Variants in FKBP9 observed in about 807,000 individuals in gnomAD.
FKBP9 encodes peptidyl-prolyl cis-trans isomerase FKBP9.
In FKBP9, 27 loss-of-function variants were observed where a neutral mutation model predicts 55.6. The observed-to-expected ratio is 0.49, with a 90% confidence interval of 0.36 to 0.67. The LOEUF is 0.67. Among genes scored for constraint, FKBP9 ranks in the 30% least tolerant of loss-of-function variants. The pLI is 0.00. For synonymous variants in FKBP9, 267 were observed against 296.5 expected (o/e 0.90, Z 1.02); for missense variants, 539 against 742.8 (o/e 0.73, Z 3.19).
At chr7:32,977,793 A>ATATACT (rs1784387778) in intron 4 of FKBP9, among the ~76,000 whole-genome samples, 2 of 145,834 alleles carry the variant, frequency 1.4e-5, no homozygotes, top group African/African-American at 5.0e-5. Flanking sequence ...CTCCATATAT[A>ATATACT]TATATATACT....
intron 9 of FKBP9, among the ~76,000 whole-genome samples, chr7:33,004,639 A>AT (rs1198706772): frequency 2.6e-5 from 4 of 151,862 alleles, no homozygotes; most frequent in South Asian, 2.1e-4. Flanking sequence ...CCGCTTTTTG[A>AT]TTTTTTTCTG....
Position 32,975,044 on chromosome 7 carries a change from TG to T in FKBP9, c.368-135del. On this transcript the variant is annotated intron_variant, in intron 2 of 9. Coordinates refer to ENST00000242209, the MANE Select transcript of FKBP9 (RefSeq NM_007270.5). ...ATTTGGAGGAAAGAGGGAGGAAGAA[TG>T]GGTCATTTTGGGATTGTATAGCGGT... The T allele has an allele frequency of 7.1e-6, 5 of 702,300 alleles. No homozygotes were observed. The South Asian group carries it at 9.4e-5, about 13-fold the overall frequency. 43.5% of individuals were successfully genotyped at this position (702,300 alleles called of 1,614,324 possible).
chr7:32,962,343 G>A (rs1287894408), intron 1 of FKBP9, among the ~76,000 whole-genome samples: 2 of 152,154 alleles, frequency 1.3e-5, no homozygotes, highest in South Asian at 2.1e-4. Context: ...GCGGTGAGTC[G>A]AGATTGCACC....
intron 1 of FKBP9, among the ~76,000 whole-genome samples, chr7:32,965,828 T>TATATATGTGTACACAC (rs1554284326): frequency 2.6e-4 from 9 of 35,068 alleles, no homozygotes; most frequent in African/African-American, 6.3e-4. Flanking sequence ...TATATATATA[T>TATATATGTGTACACAC]ATATATATAT....
chr7:32,958,052 T>A (rs1283482771), intron 1 of FKBP9, among the ~76,000 whole-genome samples: 1 of 152,226 alleles, frequency 6.6e-6, no homozygotes, highest in Admixed American at 6.5e-5. Flanking sequence ...GACCACGTCC[T>A]CCCTTTCCTC....
chr7:32,973,687 T>G (rs1457090113), intron 1 of FKBP9, among the ~76,000 whole-genome samples: 13 of 72,302 alleles, frequency 1.8e-4, no homozygotes, highest in Admixed American at 4.0e-4. Context: ...TTGTTGTTTT[T>G]TTTTTTTTTT....
At chr7:32,967,410 A>G (rs1349263905) in intron 1 of FKBP9, among the ~76,000 whole-genome samples, 1 of 152,234 alleles carries the variant, frequency 6.6e-6, no homozygotes, top group Non-Finnish European at 1.5e-5. Flanking sequence ...CGCTGATAAC[A>G]ACATTCCACT....
intron 5 of FKBP9, among the ~76,000 whole-genome samples, chr7:32,986,857 C>T (rs571636679): frequency 7.8e-4 from 119 of 152,184 alleles, no homozygotes; most frequent in Non-Finnish European, 9.7e-4. Flanking sequence ...TCTGCCTCAT[C>T]GGCACCAGGT....
intron 8 of FKBP9, among the ~76,000 whole-genome samples, chr7:33,001,327 G>A (rs921746502): frequency 3.2e-4 from 48 of 152,194 alleles, no homozygotes; most frequent in African/African-American, 1.0e-3. Context: ...GGCAGATCAC[G>A]AGGTCAGGAG....
intron 7 of FKBP9, among the ~76,000 whole-genome samples, chr7:32,996,920 T>G (rs1284950434): frequency 3.4e-5 from 5 of 147,038 alleles, no homozygotes; most frequent in Non-Finnish European, 6.0e-5. Context: ...TCAGCCTCCC[T>G]AGTAGCTGGG....
rs1358059316 is a variant in FKBP9 at position 32,965,253 on chromosome 7, C to A, written c.221+7459C>A. Among the ~76,000 whole-genome samples the A allele has an allele frequency of 2.6e-5, 4 of 152,136 alleles. No individual in the cohort carries two copies. The East Asian group carries it at 7.8e-4, about 30-fold the overall frequency. On this transcript the variant is annotated intron_variant, in intron 1 of 9. Coordinates refer to ENST00000242209, the MANE Select transcript of FKBP9 (RefSeq NM_007270.5). ...TCAAGCAATTCTCATGCCTCAGCCA[C>A]CCGAGTAGCTAGGATCACAGGTGTA...
At chr7:32,983,910 G>C (rs1212583974) in intron 5 of FKBP9, among the ~76,000 whole-genome samples, 1 of 142,458 alleles carries the variant, frequency 7.0e-6, no homozygotes, top group Admixed American at 6.9e-5. Context: ...ATTGGCATTT[G>C]TCTGTTTCTT....
intron 1 of FKBP9, among the ~76,000 whole-genome samples, chr7:32,965,332 T>C (rs1286178606): frequency 1.3e-5 from 2 of 152,002 alleles, no homozygotes; most frequent in Non-Finnish European, 2.9e-5. Flanking sequence ...GGTTTTGCCA[T>C]GTTGCCCAGG....
Position 32,957,514 on chromosome 7 carries a change from AG to A in FKBP9, c.-58del. The A allele has an allele frequency of 7.9e-7, 1 of 1,272,484 alleles. No individual in the cohort carries two copies. The allele number at this position is 1,272,484 out of a possible 1,614,324, so 78.8% of individuals were successfully genotyped here. On this transcript the variant is annotated 5_prime_UTR_variant, in exon 1 of 10. Transcript: ENST00000242209. ...CGTTTGCAAACGCAGCCGAACGCCC[AG>A]GCCGACCCGTGCCGCCCGAGCGCCG... is the stretch of plus-strand genomic sequence containing the variant.
In FKBP9 at chr7:32,975,347, T is replaced by C. The variant is rs1268322219; in HGVS notation, c.533T>C (p.Leu178Pro). ...AGGTACCACTACAACGGGACGTTCC[T>C]GGACGGAACTCTGTTTGATTCGAGG... ...FVRYHYNGTF[L>P]DGTLFDSSHN... The change falls in exon 3 of 10, where the codon CTG becomes CCG. Residue 178 changes from leucine to proline, a missense_variant. Around this residue, in one of 4 missense-constraint regions of FKBP9, gnomAD observed 236 missense variants for 271.5 expected, o/e 0.87. Transcript: ENST00000242209. 2 of 1,613,894 alleles carry C rather than the reference T, an allele frequency of 1.2e-6. No homozygotes were observed. Among genetic ancestry groups the C allele is most frequent in the African/African-American group, 1.3e-5 (1 of 74,940 alleles).
In FKBP9 at chr7:32,980,439, T is replaced by A. The variant is rs1377189699; in HGVS notation, c.779T>A (p.Ile260Asn). 4 of 1,613,858 alleles carry A rather than the reference T, an allele frequency of 2.5e-6. No homozygotes were observed. Among genetic ancestry groups the A allele is most frequent in the Non-Finnish European group, 3.4e-6 (4 of 1,179,856 alleles). Residue 260 changes from isoleucine to asparagine, a missense_variant, in exon 5 of 10, where the codon ATT becomes AAT. Physicochemically the swap from Ile to Asn is moderately radical, Grantham distance 149. Transcript: ENST00000242209. ...GACCTCCATAACCCCAAGGACAGCA[T>A]TTCCATTGAGAACAAGGTAGTACCT... is the stretch of plus-strand genomic sequence containing the variant. ...LLDLHNPKDS[I>N]SIENKVVPEN...
intron 1 of FKBP9, among the ~76,000 whole-genome samples, chr7:32,961,416 A>C (rs1784021962): frequency 6.6e-6 from 1 of 152,232 alleles, no homozygotes; most frequent in African/African-American, 2.4e-5. Context: ...GCTCTGGGAT[A>C]GGGCCTAGGA....
At chr7:32,979,764 C>A (rs1387401121) in intron 4 of FKBP9, among the ~76,000 whole-genome samples, 3 of 152,168 alleles carry the variant, frequency 2.0e-5, no homozygotes, top group Non-Finnish European at 4.4e-5. Flanking sequence ...CCAAGAGAAG[C>A]AGTACTACCC....
At position 32,975,309 on chromosome 7, in the gene FKBP9, G is replaced by A. The variant is rs754120870; in HGVS notation, c.495G>A (p.Val165=). ...KPPSCPRTIQ[V]SDFVRYHYNG... ...CGAGTTGCCCTCGGACCATCCAGGT[G>A]TCTGATTTTGTGAGGTACCACTACA... Residue 165 remains valine, a synonymous_variant, in exon 3 of 10, where the codon GTG becomes GTA. Coordinates refer to ENST00000242209, the MANE Select transcript of FKBP9 (RefSeq NM_007270.5). The A allele has an allele frequency of 1.4e-5, 22 of 1,613,896 alleles. No homozygotes were observed. In the East Asian group the frequency reaches 3.3e-4, roughly 25 times the overall value.
Sources: gnomAD v4.1 joint callset for allele counts (sites outside exome capture counted in the v4.1 genomes callset) on GRCh38, gnomAD v4.1.1 for gene constraint, gnomAD v4.1.1 regional missense constraint, MANE v1.5 for transcripts, NCBI Gene and HGNC (gene_info 2026-07-23, HGNC 2026-07-21) for gene names.